Variants in GASK1A observed in about 807,000 individuals in gnomAD.
GASK1A encodes Golgi-associated kinase 1A.
A neutral mutation model predicts 41.2 loss-of-function variants in GASK1A; 40 were observed. That is an observed-to-expected ratio of 0.97 (90% CI 0.75 to 1.27). The LOEUF (loss-of-function observed/expected upper bound fraction) is 1.27. GASK1A is among the 50% of genes most tolerant of loss of function. The probability of loss-of-function intolerance (pLI) is 0.00; values close to 1 mark genes in which losing one functional copy is unlikely to be tolerated. For synonymous variants in GASK1A, 316 were observed against 307.1 expected (o/e 1.03, Z -0.30); for missense variants, 678 against 745.1 (o/e 0.91, Z 1.05).
At chr3:43,037,156 C>G (rs2089608695) in intron 2 of GASK1A, 2 of 1,050,614 alleles carry the variant, frequency 1.9e-6, no homozygotes, top group African/African-American at 3.1e-5. Context: ...CCTCCTTATG[C>G]TGCTTCAGTG....
intron 2 of GASK1A, among the ~76,000 whole-genome samples, chr3:43,047,290 C>T (rs1344463971): frequency 6.6e-6 from 1 of 152,218 alleles, no homozygotes; most frequent in Non-Finnish European, 1.5e-5. Context: ...TGTGGGAGCC[C>T]ATCTCTTGCA....
chr3:42,991,266 A>C (rs572858767), intron 1 of GASK1A, among the ~76,000 whole-genome samples: 56 of 152,232 alleles, frequency 3.7e-4, no homozygotes, highest in African/African-American at 1.2e-3. Flanking sequence ...TCAGCCCCCT[A>C]AAGTGTTGGG....
intron 1 of GASK1A, among the ~76,000 whole-genome samples, chr3:43,016,699 C>T (rs973451965): frequency 2.8e-5 from 4 of 141,994 alleles, no homozygotes; most frequent in Admixed American, 1.4e-4. Flanking sequence ...TCATAGGAAG[C>T]GGCAGTGGGA....
intron 1 of GASK1A, among the ~76,000 whole-genome samples, chr3:43,000,219 C>T (rs1020792569): frequency 4.7e-5 from 6 of 127,628 alleles, no homozygotes; most frequent in Non-Finnish European, 1.1e-4. Flanking sequence ...GCTGGAGCTG[C>T]GTGCTCCTGG....
At chr3:43,005,201 C>G (rs529045015) in intron 1 of GASK1A, among the ~76,000 whole-genome samples, 2 of 152,136 alleles carry the variant, frequency 1.3e-5, no homozygotes, top group African/African-American at 4.8e-5. Flanking sequence ...TCACACCGTC[C>G]GAATCCCTCT....
intron 1 of GASK1A, among the ~76,000 whole-genome samples, chr3:43,025,388 G>C (rs1284880909): frequency 1.3e-5 from 2 of 152,230 alleles, no homozygotes; most frequent in African/African-American, 4.8e-5. Context: ...CTTTTAGCCA[G>C]ATTGGAAACA....
At position 43,056,298 on chromosome 3, in the gene GASK1A, T is replaced by A; in HGVS notation, c.1640T>A (p.Val547Asp). 1 of 1,551,554 alleles carries A rather than the reference T, an allele frequency of 6.4e-7. No individual in the cohort carries two copies. Among genetic ancestry groups the A allele is most frequent in the Non-Finnish European group, 8.7e-7 (1 of 1,146,960 alleles). Reference protein sequence around the residue: ...SQGGAQGLKQVLQTLEQRGQV... With the variant: ...SQGGAQGLKQDLQTLEQRGQV... ...GGCGGAGCCCAGGGGCTGAAGCAGG[T>A]CCTCCAGACCCTGGAGCAGCGAGGA... Residue 547 changes from valine to aspartate, a missense_variant, in exon 5 of 5, where the codon GTC becomes GAC. Coordinates refer to ENST00000430121, the MANE Select transcript of GASK1A (RefSeq NM_001129908.3).
intron 2 of GASK1A, among the ~76,000 whole-genome samples, chr3:43,044,148 G>A (rs509527): frequency 0.37 from 56,593 of 152,106 alleles, 11,022 homozygotes; most frequent in East Asian, 0.57. Flanking sequence ...GAGCAAGGGG[G>A]TTTGGCTGAC....
chr3:43,050,652 G>T (rs1274091683), intron 2 of GASK1A, among the ~76,000 whole-genome samples: 1 of 151,686 alleles, frequency 6.6e-6, no homozygotes, highest in African/African-American at 2.4e-5. Context: ...TATATATGTT[G>T]GTACACTTGA....
chr3:43,032,183 AT>A, intron 1 of GASK1A, 83 bp from the exon 2 acceptor site: 12 of 1,120,612 alleles, frequency 1.1e-5, no homozygotes, highest in Non-Finnish European at 1.5e-5. Flanking sequence ...TGAGCACCTC[AT>A]TTGCTTACCA....
At position 43,056,130 on chromosome 3, in the gene GASK1A, T is replaced by C; in HGVS notation, c.1518-46T>C. 5 of 1,421,954 alleles carry C rather than the reference T, an allele frequency of 3.5e-6. No homozygotes were observed. The South Asian group carries it at 3.9e-5, about 11-fold the overall frequency. The allele number at this position is 1,421,954 out of a possible 1,614,324, so 88.1% of individuals were successfully genotyped here. ...TGTTACTGAAATTCTCTGAGATTAC[T>C]GTTGCTTTTTCTTTCTGTTACGGGG... On this transcript the variant is annotated intron_variant, in intron 4 of 4. Coordinates refer to ENST00000430121, the MANE Select transcript of GASK1A (RefSeq NM_001129908.3).
rs1162755368 is a variant in GASK1A, at chr3:43,032,403, T to C, written c.140T>C (p.Met47Thr). 1 of 1,551,558 alleles carries C rather than the reference T, an allele frequency of 6.4e-7. No individual in the cohort carries two copies. Among genetic ancestry groups the C allele is most frequent in the Non-Finnish European group, 8.7e-7 (1 of 1,146,878 alleles). ...RPSAGPDPGP[M>T]EPQGVTGAPA... Reference sequence around the variant, plus strand: ...TCCGCCGGCCCAGACCCTGGTCCCATGGAGCCTCAGGGGGTAACTGGCGCC... The same window carrying C: ...TCCGCCGGCCCAGACCCTGGTCCCACGGAGCCTCAGGGGGTAACTGGCGCC... Residue 47 changes from methionine (M) to threonine (T), a missense_variant, in exon 2 of 5, where the codon ATG (methionine) becomes ACG (threonine). Physicochemically the swap from Met to Thr is moderately conservative, Grantham distance 81 (BLOSUM62 -1). Coordinates refer to ENST00000430121, the MANE Select transcript of GASK1A (RefSeq NM_001129908.3).
chr3:42,994,512 T>C (rs908507256), intron 1 of GASK1A, among the ~76,000 whole-genome samples: 2 of 152,092 alleles, frequency 1.3e-5, no homozygotes, highest in Admixed American at 1.3e-4. Flanking sequence ...AGCATCTCCA[T>C]GAGAGGGCTG....
intron 1 of GASK1A, among the ~76,000 whole-genome samples, chr3:42,996,741 T>C (rs2089372262): frequency 1.3e-5 from 2 of 152,204 alleles, no homozygotes; most frequent in Non-Finnish European, 2.9e-5. Context: ...ACTTGTCAAA[T>C]AGTTTGGGAA....
At chr3:43,051,588 G>A (rs2089688432) in intron 2 of GASK1A, among the ~76,000 whole-genome samples, 1 of 152,126 alleles carries the variant, frequency 6.6e-6, no homozygotes, top group Non-Finnish European at 1.5e-5. Context: ...CAGCCCCTTG[G>A]ACATTTCATT....
intron 1 of GASK1A, among the ~76,000 whole-genome samples, chr3:42,981,987 C>T (rs899988817): frequency 5.3e-5 from 8 of 151,968 alleles, no homozygotes; most frequent in Middle Eastern, 3.4e-3. Flanking sequence ...ATCCAAGATA[C>T]GTATGATGGG....
chr3:42,993,932 C>T (rs2089355354), intron 1 of GASK1A, among the ~76,000 whole-genome samples: 2 of 152,190 alleles, frequency 1.3e-5, no homozygotes, highest in African/African-American at 2.4e-5. Flanking sequence ...CCGGAATCCT[C>T]ATCCTTTCAA....
intron 1 of GASK1A, among the ~76,000 whole-genome samples, chr3:43,026,573 G>GA (rs1012115604): frequency 1.3e-5 from 2 of 151,936 alleles, no homozygotes; most frequent in Admixed American, 6.6e-5. Flanking sequence ...AAGAACTCAA[G>GA]AAAAAATGGT....
intron 1 of GASK1A, among the ~76,000 whole-genome samples, chr3:43,005,460 C>A (rs1373054427): frequency 6.6e-6 from 1 of 152,210 alleles, no homozygotes; most frequent in Non-Finnish European, 1.5e-5. Context: ...CATGAGTCAT[C>A]CCTTTGTCCA....
Sources: gnomAD v4.1 joint callset for allele counts (sites outside exome capture counted in the v4.1 genomes callset) on GRCh38, gnomAD v4.1.1 for gene constraint, MANE v1.5 for transcripts, NCBI Gene and HGNC (gene_info 2026-07-23, HGNC 2026-07-21) for gene names.